The following HEATR5B variants were observed in gnomAD, a reference collection of about 807,000 sequenced individuals.
HEATR5B encodes HEAT repeat containing 5B, also known as HEAT repeat-containing protein 5B.
A neutral mutation model predicts 224.1 loss-of-function variants in HEATR5B; 156 were observed. The observed-to-expected ratio is 0.70, with a 90% CI of 0.61 to 0.80. HEATR5B has a LOEUF of 0.80. HEATR5B is among the 30% of genes least tolerant of loss of function. HEATR5B has a pLI of 0.00. For missense variants in HEATR5B, 2,323 were observed against 2,535.5 expected, an observed-to-expected ratio of 0.92 and a Z score of 1.80; for synonymous variants, 1,027 against 893.0, an observed-to-expected ratio of 1.15 and a Z score of -2.68.
chr2:37,019,765 A>G (rs769965916), intron 26 of HEATR5B, 44 bp downstream of exon 26: 1 of 1,275,272 alleles, frequency 7.8e-7, no homozygotes, highest in East Asian at 2.3e-5. Flanking sequence ...GATATCTATG[A>G]ATGTATAGAA....
chr2:37,061,059 T>C (rs1226842793), intron 11 of HEATR5B, among the ~76,000 whole-genome samples: 2 of 152,190 alleles, frequency 1.3e-5, no homozygotes, highest in African/African-American at 4.8e-5. Context: ...GTGGATTGCA[T>C]ATTATCAATA....
chr2:37,058,407 T>G (rs1321692204), intron 14 of HEATR5B, 44 bp downstream of exon 14: 1 of 1,155,874 alleles, frequency 8.7e-7, no homozygotes, highest in Non-Finnish European at 1.3e-6. Context: ...GGTGAAGAAT[T>G]GTAAAGAAAA....
chr2:36,999,299 A>G (rs1230022869), intron 33 of HEATR5B, among the ~76,000 whole-genome samples: 2 of 152,216 alleles, frequency 1.3e-5, no homozygotes, highest in African/African-American at 4.8e-5. Flanking sequence ...GAGTAGTGAC[A>G]GGTACTTCAA....
chr2:36,982,781 A>G (rs1425999726), intron 35 of HEATR5B, among the ~76,000 whole-genome samples: 2 of 151,798 alleles, frequency 1.3e-5, no homozygotes, highest in African/African-American at 4.8e-5. Flanking sequence ...TATAGATGTT[A>G]TATCTACATC....
intron 21 of HEATR5B, among the ~76,000 whole-genome samples, chr2:37,036,385 C>A (rs995874676): frequency 6.6e-6 from 1 of 152,210 alleles, no homozygotes; most frequent in East Asian, 1.9e-4. Context: ...AAATGTATGA[C>A]AGCCCTTCCC....
intron 7 of HEATR5B, among the ~76,000 whole-genome samples, chr2:37,069,288 C>A (rs565748343): frequency 6.6e-6 from 1 of 152,126 alleles, no homozygotes; most frequent in Non-Finnish European, 1.5e-5. Context: ...AAAACCCTTA[C>A]GTACGACTTT....
At chr2:36,984,981 T>A (rs1376280307) in intron 35 of HEATR5B, among the ~76,000 whole-genome samples, 1 of 151,888 alleles carries the variant, frequency 6.6e-6, no homozygotes, top group Non-Finnish European at 1.5e-5. Flanking sequence ...GAACAAGGAG[T>A]CAAATATAAT....
At chr2:37,056,303 TAG>T in intron 16 of HEATR5B, 135 bp downstream of exon 16, 1 of 535,722 alleles carries the variant, frequency 1.9e-6, no homozygotes, top group Non-Finnish European at 3.1e-6. Flanking sequence ...TCACTTACAT[TAG>T]TAAATCTGTA....
intron 18 of HEATR5B, among the ~76,000 whole-genome samples, chr2:37,042,993 G>C (rs1018671777): frequency 6.6e-6 from 1 of 151,792 alleles, no homozygotes. Flanking sequence ...CATCTTATCT[G>C]TGCCCTAACT....
chr2:36,999,984 T>C (rs1666983032), intron 33 of HEATR5B, among the ~76,000 whole-genome samples: 1 of 151,274 alleles, frequency 6.6e-6, no homozygotes, highest in African/African-American at 2.4e-5. Context: ...TGCACTACAG[T>C]CTGGGTGACG....
Position 37,061,971 on chromosome 2 carries a change from C to T in HEATR5B, c.1664G>A (p.Gly555Asp), listed in dbSNP as rs1671306776. ...SRLSLQRTQA[G>D]WLLLGALMTL... Reference sequence around the variant, plus strand: ...CATAAGTGCTCCAAGTAAAAGCCAGCCAGCTTGGGTGCGCTGTAAAGATAG... The same window carrying T: ...CATAAGTGCTCCAAGTAAAAGCCAGTCAGCTTGGGTGCGCTGTAAAGATAG... The change falls in exon 11 of 36, where the codon GGC becomes GAC. Residue 555 changes from glycine (G) to aspartate (D), a missense_variant. Physicochemically the swap from Gly to Asp is moderately conservative, Grantham distance 94. Around this residue, in one of 12 missense-constraint regions of HEATR5B, gnomAD observed 502 missense variants for 517.8 expected, o/e 0.97. Transcript: ENST00000233099. The T allele has an allele frequency of 6.2e-7, 1 of 1,613,446 alleles. No homozygotes were observed. Among genetic ancestry groups the T allele is most frequent in the Non-Finnish European group, 8.5e-7 (1 of 1,179,648 alleles).
At position 37,003,735 on chromosome 2, in the gene HEATR5B, A is replaced by G. The variant is rs190785073; in HGVS notation, c.4906-49T>C. 529 of 1,308,250 alleles carry G rather than the reference A, an allele frequency of 4.0e-4. 3 individuals carry two copies. In the African/African-American group the frequency reaches 7.4e-3, roughly 18 times the overall value. 81.0% of individuals were successfully genotyped at this position (1,308,250 alleles called of 1,614,324 possible). Reference sequence around the variant, plus strand: ...AGTTAAGTAATTTCAATCTCAAAGAATAACTTTATATTGTTAAAATCTGAG... The same window carrying G: ...AGTTAAGTAATTTCAATCTCAAAGAGTAACTTTATATTGTTAAAATCTGAG... On this transcript the variant is annotated intron_variant, in intron 30 of 35. Transcript: ENST00000233099.
At chr2:37,075,927 A>C (rs1672199894) in intron 4 of HEATR5B, 1 of 184,680 alleles carries the variant, frequency 5.4e-6, no homozygotes, top group African/African-American at 2.3e-5. Flanking sequence ...CAAAAGCTTC[A>C]ATATCATATC....
chr2:37,045,516 G>A (rs1670135408), intron 18 of HEATR5B, among the ~76,000 whole-genome samples: 1 of 152,058 alleles, frequency 6.6e-6, no homozygotes, highest in African/African-American at 2.4e-5. Flanking sequence ...CTGAATAGTG[G>A]GAACACAAAA....
chr2:37,030,359 T>C (rs1311234807), intron 22 of HEATR5B, among the ~76,000 whole-genome samples: 4 of 152,198 alleles, frequency 2.6e-5, no homozygotes, highest in Non-Finnish European at 4.4e-5. Context: ...AAGCAGTAGA[T>C]AGTGAATATT....
chr2:37,056,703 G>A (rs1670933557), intron 15 of HEATR5B, 88 bp from the exon 16 acceptor site: 4 of 1,087,320 alleles, frequency 3.7e-6, no homozygotes, highest in Non-Finnish European at 5.1e-6. Flanking sequence ...CAGCAGAGGA[G>A]AAAGGAGAAA....
At chr2:37,031,530 T>C (rs1330256662) in intron 22 of HEATR5B, among the ~76,000 whole-genome samples, 2 of 151,168 alleles carry the variant, frequency 1.3e-5, no homozygotes, top group East Asian at 3.9e-4. Flanking sequence ...GCCTTCCAAG[T>C]AGTCTCAATT....
chr2:36,984,215 A>AAT (rs60636196), intron 35 of HEATR5B, among the ~76,000 whole-genome samples: 4,906 of 77,472 alleles, frequency 0.063, 652 homozygotes, highest in Middle Eastern at 0.11. Flanking sequence ...AAAAAAAAAA[A>AAT]ATATATATAT....
At chr2:37,021,087 C>T (rs547181189) in intron 24 of HEATR5B, among the ~76,000 whole-genome samples, 9 of 152,300 alleles carry the variant, frequency 5.9e-5, no homozygotes, top group South Asian at 2.1e-4. Flanking sequence ...ATACTTTTAA[C>T]GTAACTTTCC....
Sources: allele counts gnomAD v4.1 joint callset (sites outside exome capture counted in the v4.1 genomes callset), GRCh38; gene constraint gnomAD v4.1.1; regional missense constraint gnomAD v4.1.1; transcripts MANE v1.5; gene names NCBI Gene and HGNC (gene_info 2026-07-23, HGNC 2026-07-21).